TMEM69: variants seen among roughly 807,000 people sequenced by gnomAD.
The protein encoded by TMEM69 is chromosome 1 open reading frame 154.
Under a neutral mutation model 15.8 loss-of-function variants are expected in TMEM69, and 17 were observed. That is an observed-to-expected ratio of 1.07 (90% CI 0.73 to 1.61). TMEM69 has a LOEUF of 1.61. Among genes scored for constraint, TMEM69 ranks in the 40% most tolerant of loss-of-function variants. TMEM69 has a pLI of 0.00. For missense variants in TMEM69, 230 were observed against 286.1 expected (o/e 0.80, Z 1.41); for synonymous variants, 80 against 98.6 (o/e 0.81, Z 1.12).
chr1:45,691,420 A>G (rs1557731468), intron 2 of TMEM69, among the ~76,000 whole-genome samples: 1 of 152,028 alleles, frequency 6.6e-6, no homozygotes. Flanking sequence ...TCACACGCCT[A>G]TAGCCCCAGC....
intron 2 of TMEM69, 124 bp downstream of exon 2, chr1:45,691,234 T>C (rs544137438): frequency 1.5e-5 from 12 of 824,542 alleles, no homozygotes; most frequent in Non-Finnish European, 1.8e-5. Flanking sequence ...AAGAGTTAAG[T>C]AAAATACAAG....
Position 45,693,679 on chromosome 1 carries a change from G to C in TMEM69, c.518G>C (p.Trp173Ser), listed in dbSNP as rs1429141165. ...ASSAAPLFFS[W>S]FAFLISERLS... ...AGTGCAGCTCCTCTTTTCTTTTCAT[G>C]GTTTGCCTTCCTTATTTCTGAAAGA... The change falls in exon 3 of 3, where the codon TGG (tryptophan) becomes TCG (serine). Residue 173 changes from tryptophan to serine, a missense_variant. Physicochemically the swap from Trp to Ser is radical, Grantham distance 177 (BLOSUM62 -3). Transcript: ENST00000372025. 6.2e-7 allele frequency: 1 copy of C among 1,613,876 alleles called. No individual in the cohort carries two copies. The highest frequency in any genetic ancestry group is 8.5e-7 in the Non-Finnish European group (1 of 1,180,012).
chr1:45,691,577 C>T (rs1311718298), intron 2 of TMEM69, among the ~76,000 whole-genome samples: 1 of 151,904 alleles, frequency 6.6e-6, no homozygotes, highest in African/African-American at 2.4e-5. Context: ...CCGTGGCTTA[C>T]GGCTGAAATC....
At chr1:45,690,727 C>T (rs1645339053) in intron 1 of TMEM69, among the ~76,000 whole-genome samples, 4 of 151,884 alleles carry the variant, frequency 2.6e-5, no homozygotes, top group Non-Finnish European at 5.9e-5. Context: ...CCCAGTGTCA[C>T]ACAGCTAGGA....
chr1:45,692,443 G>C (rs1241793089), intron 2 of TMEM69, among the ~76,000 whole-genome samples: 8 of 152,280 alleles, frequency 5.3e-5, no homozygotes, highest in South Asian at 2.1e-4. Context: ...CAGCAGGAAA[G>C]GTTATTACTT....
At chr1:45,691,505 T>G (rs1645344817) in intron 2 of TMEM69, among the ~76,000 whole-genome samples, 1 of 151,590 alleles carries the variant, frequency 6.6e-6, no homozygotes, top group African/African-American at 2.4e-5. Flanking sequence ...ATCATGCCAC[T>G]GCACTGCAGC....
chr1:45,692,017 G>C (rs1030295192), intron 2 of TMEM69, among the ~76,000 whole-genome samples: 7 of 151,766 alleles, frequency 4.6e-5, no homozygotes, highest in African/African-American at 1.7e-4. Context: ...GCATGGTGGC[G>C]GACGCCTGTA....
Position 45,694,152 on chromosome 1 carries a change from A to C in TMEM69, c.*247A>C. 1 of 409,746 alleles carries C rather than the reference A, an allele frequency of 2.4e-6. No individual in the cohort carries two copies. The highest frequency in any genetic ancestry group is 3.6e-5 in the South Asian group (1 of 27,828). The allele number at this position is 409,746 out of a possible 1,614,324, so 25.4% of individuals were successfully genotyped here. A position where few individuals can be genotyped will look rare whatever the true frequency, so the allele number is the denominator to read the frequency against. ...TTAAAAGTTTTAAAAATATATATAT[A>C]TAAATACACTGTAGATAACATTTGT... On this transcript the variant is annotated 3_prime_UTR_variant, in exon 3 of 3. Transcript: ENST00000372025.
rs564768724 is a variant in TMEM69, at chr1:45,690,971, C to T, written c.-95-3C>T. On this transcript the variant is annotated splice_region_variant and splice_polypyrimidine_tract_variant and intron_variant, in intron 1 of 2. Transcript: ENST00000372025. Reference sequence around the variant, plus strand: ...ATTAAGTGACACCTTGTGTTATACACAGAAACATGCCCCTGATTCAGTGCC... The same window carrying T: ...ATTAAGTGACACCTTGTGTTATACATAGAAACATGCCCCTGATTCAGTGCC... 1.3e-5 allele frequency: 18 copies of T among 1,358,668 alleles called. No homozygotes were observed. Among genetic ancestry groups the T allele is most frequent in the Non-Finnish European group, 1.9e-5 (18 of 954,598 alleles). 84.2% of individuals were successfully genotyped at this position (1,358,668 alleles called of 1,614,324 possible).
intron 2 of TMEM69, among the ~76,000 whole-genome samples, chr1:45,692,195 G>C (rs1165453586): frequency 2.0e-5 from 3 of 152,056 alleles, no homozygotes; most frequent in Admixed American, 2.0e-4. Context: ...ATGCTGTGGA[G>C]AACTATAAAG....
chr1:45,693,581 G>T lies in TMEM69; in HGVS notation c.420G>T (p.Leu140Phe). 1 of 1,614,130 alleles carries T rather than the reference G, an allele frequency of 6.2e-7. No individual in the cohort carries two copies. The highest frequency in any genetic ancestry group is 1.1e-5 in the South Asian group (1 of 91,070). The stretch of plus-strand genomic sequence containing the variant: ...ATGGAGCCAGTTTCCTATCTTTCTT[G>T]GGTGGGATCAGATGGGGTTTTGCTC... ...MAYGASFLSF[L>F]GGIRWGFALP... Residue 140 changes from leucine (L) to phenylalanine (F), a missense_variant, in exon 3 of 3, where the codon TTG becomes TTT. Leu to Phe is a conservative substitution (Grantham distance 22, BLOSUM62 0). Transcript: ENST00000372025.
rs1256356386 is a variant in TMEM69, at chr1:45,694,104, C to T, written c.*199C>T. On this transcript the variant is annotated 3_prime_UTR_variant, in exon 3 of 3. Transcript: ENST00000372025. Reference sequence around the variant, plus strand: ...TCTGTCTTCCCCAAGTTTGCATTTTCGACATTAAAGTTTACTTTTTAGTTA... The same window carrying T: ...TCTGTCTTCCCCAAGTTTGCATTTTTGACATTAAAGTTTACTTTTTAGTTA... The T allele has an allele frequency of 3.5e-5, 14 of 405,612 alleles. No homozygotes were observed. The highest frequency in any genetic ancestry group is 1.6e-4 in the East Asian group (4 of 24,536). The allele number at this position is 405,612 out of a possible 1,614,324, so 25.1% of individuals were successfully genotyped here.
chr1:45,693,072 G>A (rs1444951603), intron 2 of TMEM69, 132 bp from the exon 3 acceptor site: 1 of 623,984 alleles, frequency 1.6e-6, no homozygotes, highest in Non-Finnish European at 2.8e-6. Context: ...AGTTTGATGT[G>A]GTAATGGAAA....
chr1:45,694,080 C>G lies in TMEM69; in HGVS notation c.*175C>G. The G allele has an allele frequency of 4.3e-6, 2 of 461,940 alleles. No individual in the cohort carries two copies. The highest frequency in any genetic ancestry group is 8.1e-5 in the South Asian group (2 of 24,716). 28.6% of individuals were successfully genotyped at this position (461,940 alleles called of 1,614,324 possible). A position where few individuals can be genotyped will look rare whatever the true frequency, so the allele number is the denominator to read the frequency against. On this transcript the variant is annotated 3_prime_UTR_variant, in exon 3 of 3. Coordinates refer to ENST00000372025, the MANE Select transcript of TMEM69 (RefSeq NM_016486.4). ...GTGACAGCCTTGTGTGTGATCTTTT[C>G]TGTCTTCCCCAAGTTTGCATTTTCG...
intron 1 of TMEM69, among the ~76,000 whole-genome samples, chr1:45,690,186 T>C (rs1325859285): frequency 6.6e-6 from 1 of 152,112 alleles, no homozygotes; most frequent in Non-Finnish European, 1.5e-5. Flanking sequence ...ACTAAGTTAA[T>C]GAGGTTATTT....
chr1:45,693,179 T>C, intron 2 of TMEM69, 25 bp from the exon 3 acceptor site: 1 of 1,501,996 alleles, frequency 6.7e-7, no homozygotes, highest in Non-Finnish European at 9.0e-7. Context: ...TTTAATTTTG[T>C]CTTTTGGTTC....
intron 2 of TMEM69, among the ~76,000 whole-genome samples, chr1:45,691,578 G>A (rs921711495): frequency 4.6e-5 from 7 of 151,878 alleles, no homozygotes; most frequent in African/African-American, 1.5e-4. Context: ...CGTGGCTTAC[G>A]GCTGAAATCC....
In TMEM69 at chr1:45,694,211, CTTTT is replaced by C. The variant is rs532702940; in HGVS notation, c.*310_*313del. 1.4e-5 allele frequency: 7 copies of C among 513,052 alleles called. No homozygotes were observed. Among genetic ancestry groups the C allele is most frequent in the Admixed American group, 3.6e-5 (1 of 27,398 alleles). 31.8% of individuals were successfully genotyped at this position (513,052 alleles called of 1,614,324 possible). A position where few individuals can be genotyped will look rare whatever the true frequency, so the allele number is the denominator to read the frequency against. ...TACACCTTTTTCTACTTCTGTTTGG[CTTTT>C]TTTCCCCACACCAATGGTAATTTAT... On this transcript the variant is annotated 3_prime_UTR_variant, in exon 3 of 3. Transcript: ENST00000372025.
chr1:45,690,856 C>T (rs1435368629), intron 1 of TMEM69, 118 bp from the exon 2 acceptor site: 9 of 594,990 alleles, frequency 1.5e-5, no homozygotes, highest in Admixed American at 3.0e-5. Flanking sequence ...GTGTTACCGA[C>T]AGTTTGAAAA....
Sources: gnomAD v4.1 joint callset for allele counts (sites outside exome capture counted in the v4.1 genomes callset) on GRCh38, gnomAD v4.1.1 for gene constraint, MANE v1.5 for transcripts, NCBI Gene and HGNC (gene_info 2026-07-23, HGNC 2026-07-21) for gene names.